PLEKHD1: variants seen among roughly 807,000 people sequenced by gnomAD.
The protein encoded by PLEKHD1 is pleckstrin homology domain-containing family D member 1.
Under a neutral mutation model 69.2 loss-of-function variants are expected in PLEKHD1, and 51 were observed. That is an observed-to-expected ratio of 0.74 (90% CI 0.59 to 0.93). The LOEUF is 0.93. Ranked by LOEUF, PLEKHD1 falls within the 40% of genes least tolerant of loss-of-function variation. The pLI is 0.00. For missense variants in PLEKHD1, 584 were observed against 641.0 expected, an observed-to-expected ratio of 0.91 and a Z score of 0.96; for synonymous variants, 236 against 244.7, an observed-to-expected ratio of 0.96 and a Z score of 0.33.
At chr14:69,488,861 G>A (rs903428944) in intron 1 of PLEKHD1, among the ~76,000 whole-genome samples, 1 of 152,176 alleles carries the variant, frequency 6.6e-6, no homozygotes, top group African/African-American at 2.4e-5. Flanking sequence ...AGAGGCAGGG[G>A]GAAGGTGCCT....
chr14:69,510,325 C>T (rs1043125196), intron 6 of PLEKHD1, among the ~76,000 whole-genome samples: 1 of 152,186 alleles, frequency 6.6e-6, no homozygotes, highest in African/African-American at 2.4e-5. Flanking sequence ...TATTTATGAA[C>T]ATGGACTATC....
chr14:69,484,457 G>A (rs1734215229), upstream of PLEKHD1, among the ~76,000 whole-genome samples: 1 of 152,226 alleles, frequency 6.6e-6, no homozygotes, highest in East Asian at 1.9e-4. Flanking sequence ...GAGGGACCCC[G>A]GGGTGGTGTT....
At chr14:69,528,164 G>C (rs775141367) in intron 12 of PLEKHD1, 86 bp from the exon 13 acceptor site, 32 of 1,488,946 alleles carry the variant, frequency 2.1e-5, no homozygotes, top group Non-Finnish European at 2.9e-5. Flanking sequence ...ATAAAGGAGT[G>C]AGGGGGTGGC....
At chr14:69,519,076 G>T (rs1317999220) in intron 6 of PLEKHD1, among the ~76,000 whole-genome samples, 1 of 152,088 alleles carries the variant, frequency 6.6e-6, no homozygotes, top group East Asian at 1.9e-4. Flanking sequence ...AAAAATTTGG[G>T]CAAGAGACAG....
chr14:69,504,522 A>G (rs1160542086), intron 6 of PLEKHD1, among the ~76,000 whole-genome samples: 2 of 152,008 alleles, frequency 1.3e-5, no homozygotes, highest in Admixed American at 6.6e-5. Context: ...CTGGCCCAAG[A>G]CGAGTTCTTG....
Position 69,530,184 on chromosome 14 carries a change from C to T in PLEKHD1, c.*1765C>T, listed in dbSNP as rs920134527. 1 of 152,268 alleles carries T rather than the reference C, an allele frequency of 6.6e-6. No homozygotes were observed. Among genetic ancestry groups the T allele is most frequent in the African/African-American group, 2.4e-5 (1 of 41,466 alleles). The allele number at this position is 152,268 out of a possible 1,614,324, so 9.4% of individuals were successfully genotyped here. On this transcript the variant is annotated 3_prime_UTR_variant, in exon 13 of 13. Transcript: ENST00000322564. ...GTTGCCTCTAAGAACACATGCACATCTGCTGCTAGGCTGGCCGAGCCCAGG... is the reference window on the plus strand; with the variant it reads ...GTTGCCTCTAAGAACACATGCACATTTGCTGCTAGGCTGGCCGAGCCCAGG...
chr14:69,501,175 A>G (rs1433078658), intron 4 of PLEKHD1: 3 of 579,846 alleles, frequency 5.2e-6, no homozygotes, highest in Admixed American at 3.0e-5. Context: ...TGTGGGTACC[A>G]TTTGTCTCCA....
chr14:69,491,687 G>A (rs1882779638), intron 1 of PLEKHD1, among the ~76,000 whole-genome samples: 1 of 152,156 alleles, frequency 6.6e-6, no homozygotes, highest in South Asian at 2.1e-4. Context: ...GGCTCCAGAT[G>A]GGCTTATCAT....
chr14:69,507,756 A>G (rs189214871), intron 6 of PLEKHD1, among the ~76,000 whole-genome samples: 2 of 152,284 alleles, frequency 1.3e-5, no homozygotes, highest in Non-Finnish European at 2.9e-5. Flanking sequence ...TCTGTTGCCC[A>G]GACTGGAGTG....
At chr14:69,509,372 A>G (rs1883220231) in intron 6 of PLEKHD1, among the ~76,000 whole-genome samples, 1 of 152,212 alleles carries the variant, frequency 6.6e-6, no homozygotes, top group Non-Finnish European at 1.5e-5. Flanking sequence ...AATCCATCTT[A>G]TCAATTACTT....
At chr14:69,504,564 A>G (rs1883110298) in intron 6 of PLEKHD1, among the ~76,000 whole-genome samples, 1 of 152,234 alleles carries the variant, frequency 6.6e-6, no homozygotes. Context: ...TAGTAAATGA[A>G]TGGGATTGAT....
rs929571483 is a variant in PLEKHD1 at position 69,528,722 on chromosome 14, T to C, written c.*303T>C. The C allele has an allele frequency of 5.2e-6, 2 of 387,226 alleles. No homozygotes were observed. Among genetic ancestry groups the C allele is most frequent in the Admixed American group, 4.0e-5 (1 of 25,248 alleles). The allele number at this position is 387,226 out of a possible 1,614,324, so 24.0% of individuals were successfully genotyped here. A position where few individuals can be genotyped will look rare whatever the true frequency, so the allele number is the denominator to read the frequency against. On this transcript the variant is annotated 3_prime_UTR_variant, in exon 13 of 13. Transcript: ENST00000322564. Reference sequence around the variant, plus strand: ...GTTGTATGTGGAGATTTGTGTCGGTTAGGGAGTGGGGTGGGGAGGTGCTGT... The same window carrying C: ...GTTGTATGTGGAGATTTGTGTCGGTCAGGGAGTGGGGTGGGGAGGTGCTGT...
chr14:69,472,504 T>C, the PLEKHD1 span, among the ~76,000 whole-genome samples: 1 of 152,238 alleles, frequency 6.6e-6, no homozygotes, highest in Non-Finnish European at 1.5e-5. Flanking sequence ...CACCGTGTCA[T>C]GTGCTTTATA....
intron 6 of PLEKHD1, among the ~76,000 whole-genome samples, chr14:69,518,622 A>T (rs1037409481): frequency 1.3e-5 from 2 of 152,206 alleles, no homozygotes; most frequent in Non-Finnish European, 2.9e-5. Flanking sequence ...TCAAGAATAC[A>T]ATTAGTTTTA....
intron 1 of PLEKHD1, among the ~76,000 whole-genome samples, chr14:69,486,058 G>A (rs1010900685): frequency 1.3e-5 from 2 of 152,202 alleles, no homozygotes; most frequent in African/African-American, 4.8e-5. Flanking sequence ...TCAGTTCTGA[G>A]ATTCACTACT....
intron 6 of PLEKHD1, among the ~76,000 whole-genome samples, chr14:69,514,800 G>A (rs765995327): frequency 1.3e-5 from 2 of 152,186 alleles, no homozygotes; most frequent in African/African-American, 2.4e-5. Flanking sequence ...ACCTTAGGTA[G>A]AATAGCATGG....
At chr14:69,526,531 C>T (rs1881879408) in intron 9 of PLEKHD1, among the ~76,000 whole-genome samples, 166 bp from the exon 10 acceptor site, 1 of 152,160 alleles carries the variant, frequency 6.6e-6, no homozygotes, top group Admixed American at 6.5e-5. Flanking sequence ...GCACTGACCA[C>T]ACCATCAATC....
At chr14:69,502,479 C>A (rs1883051826) in intron 5 of PLEKHD1, 4 of 312,790 alleles carry the variant, frequency 1.3e-5, no homozygotes, top group Admixed American at 9.1e-5. Context: ...TGCTTCAGAA[C>A]TTCCTAGGTT....
intron 5 of PLEKHD1, chr14:69,502,103 A>C (rs1179026375): frequency 7.2e-6 from 2 of 277,964 alleles, no homozygotes. Flanking sequence ...TAGGCAGCTC[A>C]GCCTCTCTAA....
Sources: gnomAD v4.1 joint callset for allele counts (sites outside exome capture counted in the v4.1 genomes callset) on GRCh38, gnomAD v4.1.1 for gene constraint, MANE v1.5 for transcripts, NCBI Gene and HGNC (gene_info 2026-07-23, HGNC 2026-07-21) for gene names.